Variants in CTNND2 observed in about 807,000 individuals in gnomAD.
CTNND2 encodes the protein catenin delta 2.
CTNND2 carries 22 observed loss-of-function variants against 144.4 expected under a neutral mutation model. That is an observed-to-expected ratio of 0.15 (90% CI 0.11 to 0.22). The LOEUF (loss-of-function observed/expected upper bound fraction) is 0.22. Ranked by LOEUF, CTNND2 falls within the 10% of genes least tolerant of loss-of-function variation. The probability of loss-of-function intolerance (pLI) is 1.00; values close to 1 mark genes in which losing one functional copy is unlikely to be tolerated. For synonymous variants in CTNND2, 751 were observed against 695.6 expected, an observed-to-expected ratio of 1.08 and a Z score of -1.25; for missense variants, 1,353 against 1,618.8, an observed-to-expected ratio of 0.84 and a Z score of 2.82.
chr5:11,181,461 G>A (rs954379457), intron 11 of CTNND2, among the ~76,000 whole-genome samples: 3 of 152,106 alleles, frequency 2.0e-5, no homozygotes, highest in Non-Finnish European at 2.9e-5. Flanking sequence ...GCTGTGCCCC[G>A]GGGAGCCATG....
chr5:11,569,395 G>T (rs1777383286), intron 2 of CTNND2, among the ~76,000 whole-genome samples: 1 of 152,184 alleles, frequency 6.6e-6, no homozygotes, highest in South Asian at 2.1e-4. Context: ...TTTCATCCTA[G>T]AATAGCACAT....
rs750619095 is a variant in CTNND2 at position 11,551,247 on chromosome 5, T to C, written c.287+13697A>G. Reference sequence around the variant, plus strand: ...ACCATACTGATCCCAAATAGCAGTTTGTCTTTTGACTGTTCTTTCCCTCTG... The same window carrying C: ...ACCATACTGATCCCAAATAGCAGTTCGTCTTTTGACTGTTCTTTCCCTCTG... On this transcript the variant is annotated intron_variant, in intron 3 of 21. Coordinates refer to ENST00000304623, the MANE Select transcript of CTNND2 (RefSeq NM_001332.4). Among the ~76,000 whole-genome samples, 14 of 152,258 alleles carry C rather than the reference T, an allele frequency of 9.2e-5. No homozygotes were observed. In the Middle Eastern group the frequency reaches 0.01, roughly 111 times the overall value.
intron 1 of CTNND2, among the ~76,000 whole-genome samples, chr5:11,792,023 T>C (rs2126870017): frequency 6.6e-6 from 1 of 152,324 alleles, no homozygotes; most frequent in African/African-American, 2.4e-5. Context: ...ATTAATTGAC[T>C]TGCTGTCCAA....
intron 1 of CTNND2, among the ~76,000 whole-genome samples, chr5:11,902,790 A>G (rs943437627): frequency 1.2e-4 from 18 of 151,078 alleles, no homozygotes; most frequent in African/African-American, 4.4e-4. Flanking sequence ...AAAAGAAAAG[A>G]AAAAAAAACA....
At chr5:11,543,788 T>C (rs544622943) in intron 3 of CTNND2, among the ~76,000 whole-genome samples, 1 of 152,328 alleles carries the variant, frequency 6.6e-6, no homozygotes, top group Non-Finnish European at 1.5e-5. Context: ...CCTGTTTACA[T>C]TACTAATGAT....
chr5:11,404,636 T>TTTTTTTTTTTG (rs1760937159), intron 5 of CTNND2, among the ~76,000 whole-genome samples: 1 of 139,754 alleles, frequency 7.2e-6, no homozygotes, highest in Admixed American at 7.2e-5. Context: ...TTTTTTTTTT[T>TTTTTTTTTTTG]AGACAAAGTC....
At chr5:11,553,460 A>G (rs1207263309) in intron 3 of CTNND2, among the ~76,000 whole-genome samples, 5 of 152,264 alleles carry the variant, frequency 3.3e-5, no homozygotes, top group Admixed American at 6.5e-5. Context: ...GAAAATACAC[A>G]TGATTCACTC....
At chr5:11,787,844 A>G (rs980344317) in intron 1 of CTNND2, among the ~76,000 whole-genome samples, 1 of 152,162 alleles carries the variant, frequency 6.6e-6, no homozygotes. Flanking sequence ...CCCTAGTGAG[A>G]TTGTGTTCAG....
rs550216707 is a variant in CTNND2, at chr5:11,208,742, G to T, written c.1762-9081C>A. Among the ~76,000 whole-genome samples, 92 of 152,242 alleles carry T rather than the reference G, an allele frequency of 6.0e-4. 2 individuals are homozygous for T. Among genetic ancestry groups the T allele is most frequent in the Admixed American group, 2.2e-3 (33 of 15,296 alleles). On this transcript the variant is annotated intron_variant, in intron 10 of 21. Coordinates refer to ENST00000304623, the MANE Select transcript of CTNND2 (RefSeq NM_001332.4). ...TTATATACTACTGGGAAGACCTAAG[G>T]TTGATACAAAAGCCAGGAGCCATAA...
At chr5:11,844,875 C>T (rs566214282) in intron 1 of CTNND2, among the ~76,000 whole-genome samples, 80 of 152,146 alleles carry the variant, frequency 5.3e-4, no homozygotes, top group Non-Finnish European at 9.7e-4. Context: ...ATTTGGAAGT[C>T]CTGAGGTTGG....
chr5:11,524,232 A>C (rs1773014404), intron 3 of CTNND2, among the ~76,000 whole-genome samples: 1 of 152,118 alleles, frequency 6.6e-6, no homozygotes, highest in Admixed American at 6.5e-5. Flanking sequence ...CAGCCTTTGC[A>C]GACACTCAAG....
At chr5:11,442,596 T>A (rs1184761970) in intron 3 of CTNND2, among the ~76,000 whole-genome samples, 1 of 151,922 alleles carries the variant, frequency 6.6e-6, no homozygotes, top group African/African-American at 2.4e-5. Context: ...TTAGCTTTAC[T>A]GAAGGCTTTC....
intron 9 of CTNND2, among the ~76,000 whole-genome samples, chr5:11,276,507 C>T (rs1161082087): frequency 6.6e-6 from 1 of 152,148 alleles, no homozygotes; most frequent in Non-Finnish European, 1.5e-5. Context: ...TCCTGGTCCT[C>T]TTCTCTTCTT....
intron 20 of CTNND2, among the ~76,000 whole-genome samples, chr5:10,986,979 T>A (rs1182034798): frequency 3.3e-5 from 5 of 152,248 alleles, no homozygotes; most frequent in African/African-American, 1.2e-4. Context: ...ATTCCTCTCC[T>A]AAGAGGGTCT....
rs1376044617 is a variant in CTNND2 at position 11,732,005 on chromosome 5, A to G, written c.174+131T>C. 1.3e-5 allele frequency: 9 copies of G among 682,758 alleles called. No individual in the cohort carries two copies. In the South Asian group the frequency reaches 3.2e-4, roughly 24 times the overall value. The allele number at this position is 682,758 out of a possible 1,614,324, so 42.3% of individuals were successfully genotyped here. On this transcript the variant is annotated intron_variant, in intron 2 of 21. Transcript: ENST00000304623. ...ATAACCATATTACAATATTATTTATATAATAAATACCAACACTCTGCTACA... is the reference window on the plus strand; with the variant it reads ...ATAACCATATTACAATATTATTTATGTAATAAATACCAACACTCTGCTACA...
intron 2 of CTNND2, among the ~76,000 whole-genome samples, chr5:11,713,937 G>A (rs541787233): frequency 6.6e-6 from 1 of 152,078 alleles, no homozygotes; most frequent in South Asian, 2.1e-4. Flanking sequence ...GGGACAGCAG[G>A]GGGGCGGGAC....
In CTNND2 at chr5:11,110,599, T is replaced by C. The variant is rs61754601; in HGVS notation, c.2463+259A>G. ...ACAGCGCCTGCTCAGAGGTGGAATG[T>C]CAGAGCTTGCTAGGGCCTCAGGTGT... On this transcript the variant is annotated intron_variant, in intron 14 of 21. Coordinates refer to ENST00000304623, the MANE Select transcript of CTNND2 (RefSeq NM_001332.4). 9.7e-3 allele frequency among the ~76,000 whole-genome samples: 1,477 copies of C among 152,280 alleles called. 27 individuals carry two copies. Among genetic ancestry groups the C allele is most frequent in the African/African-American group, 0.034 (1,419 of 41,538 alleles).
intron 2 of CTNND2, among the ~76,000 whole-genome samples, chr5:11,678,284 G>A (rs1234764710): frequency 6.6e-6 from 1 of 152,142 alleles, no homozygotes; most frequent in African/African-American, 2.4e-5. Context: ...TCAAATGGTT[G>A]CAGCTTAACA....
At chr5:11,837,784 G>A (rs992967544) in intron 1 of CTNND2, among the ~76,000 whole-genome samples, 1 of 152,134 alleles carries the variant, frequency 6.6e-6, no homozygotes, top group Non-Finnish European at 1.5e-5. Flanking sequence ...ACTCCTGAGT[G>A]TACTATAGAG....
Sources: allele counts gnomAD v4.1 joint callset (sites outside exome capture counted in the v4.1 genomes callset), GRCh38; gene constraint gnomAD v4.1.1; transcripts MANE v1.5; gene names NCBI Gene and HGNC (gene_info 2026-07-23, HGNC 2026-07-21).